Variants in PIK3CB observed in about 807,000 individuals in gnomAD.
PIK3CB encodes phosphatidylinositol 4,5-bisphosphate 3-kinase catalytic subunit beta isoform.
In PIK3CB, 39 loss-of-function variants were observed where a neutral mutation model predicts 136.8. The observed-to-expected ratio is 0.29, with a 90% CI of 0.22 to 0.37. The LOEUF is 0.37. PIK3CB is among the 10% of genes least tolerant of loss of function. The pLI is 1.00. For missense variants in PIK3CB, 868 were observed against 1,275.4 expected, an observed-to-expected ratio of 0.68 and a Z score of 4.87; for synonymous variants, 428 against 436.6, an observed-to-expected ratio of 0.98 and a Z score of 0.25.
chr3:138,716,421 CAT>C (rs1406926158), intron 8 of PIK3CB, among the ~76,000 whole-genome samples: 2 of 152,166 alleles, frequency 1.3e-5, no homozygotes, highest in Admixed American at 6.6e-5. Context: ...CATAATCACA[CAT>C]GTTCTTTCTA....
intron 2 of PIK3CB, among the ~76,000 whole-genome samples, chr3:138,783,888 G>C (rs2045946536): frequency 6.6e-6 from 1 of 152,098 alleles, no homozygotes; most frequent in East Asian, 1.9e-4. Flanking sequence ...AAAAAAATTG[G>C]GATAATAATT....
At chr3:138,729,961 A>G (rs900086117) in intron 8 of PIK3CB, among the ~76,000 whole-genome samples, 3 of 152,162 alleles carry the variant, frequency 2.0e-5, no homozygotes, top group Admixed American at 1.3e-4. Context: ...GAAAGAAAAA[A>G]GTTTGGAAAG....
In PIK3CB at chr3:138,763,121, A is replaced by AGTATGTATGTATGTATGTATGTATGTAT. The variant is rs111529463; in HGVS notation, c.-16-3790_-16-3763dup. Among the ~76,000 whole-genome samples, 961 of 149,638 alleles carry AGTATGTATGTATGTATGTATGTATGTAT rather than the reference A, an allele frequency of 6.4e-3. 8 individuals carry two copies. Among genetic ancestry groups the AGTATGTATGTATGTATGTATGTATGTAT allele is most frequent in the East Asian group, 0.01 (52 of 4,994 alleles). ...AAAAGCTGGAGGAAAAATGAAAGTT[A>AGTATGTATGTATGTATGTATGTATGTAT]GTATGTATGTATGTATGTATGTATG... On this transcript the variant is annotated intron_variant, in intron 2 of 23. Coordinates refer to ENST00000674063, the MANE Select transcript of PIK3CB (RefSeq NM_006219.3).
intron 1 of PIK3CB, among the ~76,000 whole-genome samples, chr3:138,799,176 CTTTT>C (rs1157343453): frequency 7.6e-6 from 1 of 130,966 alleles, no homozygotes; most frequent in African/African-American, 3.1e-5. Context: ...TCAAATCTTA[CTTTT>C]TTTTTTTTTT....
intron 3 of PIK3CB, among the ~76,000 whole-genome samples, chr3:138,757,398 G>A (rs183763792): frequency 9.2e-4 from 138 of 149,676 alleles, no homozygotes; most frequent in African/African-American, 3.2e-3. Context: ...GCGAGACTCC[G>A]TCTCAAAAAA....
intron 1 of PIK3CB, among the ~76,000 whole-genome samples, chr3:138,815,365 A>AC (rs1933277238): frequency 7.0e-6 from 1 of 143,356 alleles, no homozygotes; most frequent in Non-Finnish European, 1.5e-5. Context: ...TCAAAAAAAA[A>AC]AAAAAAAAAA....
At chr3:138,701,784 CAA>C (rs560982900) in intron 12 of PIK3CB, among the ~76,000 whole-genome samples, 24 of 54,910 alleles carry the variant, frequency 4.4e-4, no homozygotes, top group Admixed American at 8.3e-4. Context: ...GACTCTGTCT[CAA>C]AAAAAAAAAA....
intron 12 of PIK3CB, 140 bp downstream of exon 12, chr3:138,704,303 A>G: frequency 1.5e-6 from 1 of 681,576 alleles, no homozygotes; most frequent in Non-Finnish European, 2.6e-6. Flanking sequence ...AAACACTATC[A>G]TGTGCATACT....
At chr3:138,776,532 A>C (rs1221093988) in intron 2 of PIK3CB, among the ~76,000 whole-genome samples, 2 of 151,892 alleles carry the variant, frequency 1.3e-5, no homozygotes, top group Non-Finnish European at 2.9e-5. Flanking sequence ...CTACAAAAAA[A>C]TACAAAAAAT....
At chr3:138,699,255 T>A (rs2044200030) in intron 12 of PIK3CB, among the ~76,000 whole-genome samples, 160 bp from the exon 13 acceptor site, 1 of 151,178 alleles carries the variant, frequency 6.6e-6, no homozygotes, top group African/African-American at 2.4e-5. Flanking sequence ...CCTTTAATAA[T>A]TTCTAAGCTA....
chr3:138,806,831 A>G (rs544879389), intron 1 of PIK3CB, among the ~76,000 whole-genome samples: 1 of 152,254 alleles, frequency 6.6e-6, no homozygotes, highest in South Asian at 2.1e-4. Flanking sequence ...GAAGAATACC[A>G]CCCTTAAAAT....
intron 2 of PIK3CB, among the ~76,000 whole-genome samples, chr3:138,789,064 C>A (rs2046019277): frequency 6.7e-6 from 1 of 148,478 alleles, no homozygotes; most frequent in Non-Finnish European, 1.5e-5. Flanking sequence ...AACTGGAAAT[C>A]TTGTGTATTG....
chr3:138,661,605 C>T lies in PIK3CB; in HGVS notation c.2796+2301G>A, dbSNP rs557439312. Among the ~76,000 whole-genome samples the T allele has an allele frequency of 5.3e-5, 8 of 152,332 alleles. No individual in the cohort carries two copies. In the East Asian group the frequency reaches 5.8e-4, roughly 11 times the overall value. ...AATCTAAGTGTTTAATGTGATTGGA[C>T]GGAAGTCCAAGGGACTCCTTTTAAG... On this transcript the variant is annotated intron_variant, in intron 21 of 23. Transcript: ENST00000674063.
At chr3:138,823,715 GA>G in intron 1 of PIK3CB, among the ~76,000 whole-genome samples, 1 of 151,302 alleles carries the variant, frequency 6.6e-6, no homozygotes, top group East Asian at 1.9e-4. Flanking sequence ...AAATAATAAT[GA>G]AAAAATTTTT....
At chr3:138,703,164 T>C (rs2044289747) in intron 12 of PIK3CB, among the ~76,000 whole-genome samples, 2 of 152,190 alleles carry the variant, frequency 1.3e-5, no homozygotes, top group African/African-American at 4.8e-5. Context: ...TACTGCTCTC[T>C]TTCCTAAGGT....
intron 11 of PIK3CB, among the ~76,000 whole-genome samples, chr3:138,705,128 G>A (rs1025441093): frequency 3.9e-5 from 3 of 77,546 alleles, no homozygotes; most frequent in Admixed American, 1.8e-4. Context: ...TCTTCTTCAA[G>A]AAAGACTCTC....
intron 11 of PIK3CB, among the ~76,000 whole-genome samples, chr3:138,705,167 A>AAG (rs2044341248): frequency 1.0e-5 from 1 of 96,400 alleles, no homozygotes; most frequent in Non-Finnish European, 2.1e-5. Flanking sequence ...AAAAAAAAAA[A>AAG]AAAAAACAAA....
chr3:138,717,278 G>C (rs550395101), intron 8 of PIK3CB, among the ~76,000 whole-genome samples: 1 of 151,168 alleles, frequency 6.6e-6, no homozygotes, highest in Non-Finnish European at 1.5e-5. Context: ...AAAAGAAGTA[G>C]TTTATAGTGG....
intron 14 of PIK3CB, among the ~76,000 whole-genome samples, chr3:138,692,021 G>A (rs1037446745): frequency 6.6e-6 from 1 of 152,174 alleles, no homozygotes; most frequent in African/African-American, 2.4e-5. Flanking sequence ...ACATTTATAA[G>A]TGGGAATTGA....
Sources: gnomAD v4.1 joint callset for allele counts (sites outside exome capture counted in the v4.1 genomes callset) on GRCh38, gnomAD v4.1.1 for gene constraint, MANE v1.5 for transcripts, NCBI Gene and HGNC (gene_info 2026-07-23, HGNC 2026-07-21) for gene names.